ELFN2: variants seen among roughly 807,000 people sequenced by gnomAD.
The protein encoded by ELFN2 is extracellular leucine rich repeat and fibronectin type III domain containing 2.
ELFN2 carries 17 observed loss-of-function variants against 45.5 expected under a neutral mutation model. That is an observed-to-expected ratio of 0.37 (90% CI 0.26 to 0.56). ELFN2 has a LOEUF of 0.56. Among genes scored for constraint, ELFN2 ranks in the 20% least tolerant of loss-of-function variants. The pLI is 0.77. For synonymous variants in ELFN2, 550 were observed against 551.5 expected (o/e 1.00, Z 0.04); for missense variants, 922 against 1,183.2 (o/e 0.78, Z 3.24).
intron 2 of ELFN2, among the ~76,000 whole-genome samples, chr22:37,405,118 G>T (rs184798710): frequency 9.1e-6 from 1 of 109,292 alleles, no homozygotes; most frequent in Non-Finnish European, 2.0e-5. Flanking sequence ...TTTTTGAGAC[G>T]GAGTCTCGCT....
rs931960316 is a variant in ELFN2, at chr22:37,375,160, G to A, written c.375C>T (p.Gly125=). 1.9e-6 allele frequency: 3 copies of A among 1,613,920 alleles called. No individual in the cohort carries two copies. The highest frequency in any genetic ancestry group is 2.7e-5 in the African/African-American group (2 of 74,938). The part of the protein sequence containing the change: ...LSNLTEGMLR[G]MSRLQFLFVQ... The stretch of plus-strand genomic sequence containing the variant: ...CAAAGAGGAACTGCAGGCGGCTCAT[G>A]CCTCGCAGCATGCCCTCCGTCAGGT... The change falls in exon 3 of 3, where the codon GGC becomes GGT. Residue 125 remains glycine, a synonymous_variant. Coordinates refer to ENST00000402918, the MANE Select transcript of ELFN2 (RefSeq NM_052906.5).
chr22:37,426,433 G>T (rs1340525864), intron 1 of ELFN2, among the ~76,000 whole-genome samples: 1 of 151,776 alleles, frequency 6.6e-6, no homozygotes, highest in South Asian at 2.1e-4. Flanking sequence ...GACAGTGTGC[G>T]TGTGTGCGCT....
intron 1 of ELFN2, among the ~76,000 whole-genome samples, chr22:37,348,307 C>A (rs1930742772): frequency 6.6e-6 from 1 of 152,202 alleles, no homozygotes; most frequent in African/African-American, 2.4e-5. Flanking sequence ...GTGCAGAGAG[C>A]AAGAACAGGG....
downstream of ELFN2, among the ~76,000 whole-genome samples, chr22:37,363,541 A>G (rs898012001): frequency 2.0e-5 from 3 of 152,222 alleles, no homozygotes; most frequent in African/African-American, 7.2e-5. Context: ...GAGGAGGCCA[A>G]CAGAGAGAGG....
chr22:37,419,578 C>G lies in ELFN2; in HGVS notation c.-613-1659G>C, dbSNP rs919959842. ...GCGGCCACTGCACAGACGCACAAAC[C>G]AGGGGCACCGTGGACTGCCCCGCCC... is the stretch of plus-strand genomic sequence containing the variant. On this transcript the variant is annotated intron_variant, in intron 1 of 2. Transcript: ENST00000402918. Among the ~76,000 whole-genome samples the G allele has an allele frequency of 3.3e-5, 5 of 152,090 alleles. No homozygotes were observed. In the East Asian group the frequency reaches 9.7e-4, roughly 29 times the overall value.
At chr22:37,413,188 G>A (rs545462731) in intron 2 of ELFN2, among the ~76,000 whole-genome samples, 2 of 152,216 alleles carry the variant, frequency 1.3e-5, no homozygotes, top group Non-Finnish European at 2.9e-5. Context: ...TCTGCCCTAG[G>A]GGGATAAGAG....
At chr22:37,346,882 T>C (rs1232860215) in intron 1 of ELFN2, among the ~76,000 whole-genome samples, 2 of 152,094 alleles carry the variant, frequency 1.3e-5, no homozygotes. Context: ...CCCTCAGCAG[T>C]GCAGAGACAG....
intron 2 of ELFN2, among the ~76,000 whole-genome samples, chr22:37,398,728 T>G (rs1052537860): frequency 4.0e-5 from 6 of 151,838 alleles, no homozygotes; most frequent in African/African-American, 1.5e-4. Flanking sequence ...TGCTCCCCGC[T>G]TCACACACGC....
intron 1 of ELFN2, among the ~76,000 whole-genome samples, chr22:37,359,076 G>C (rs1046198410): frequency 6.6e-6 from 1 of 152,156 alleles, no homozygotes; most frequent in African/African-American, 2.4e-5. Context: ...AGTGCACTAA[G>C]TAGGGAATCA....
intron 2 of ELFN2, among the ~76,000 whole-genome samples, chr22:37,408,122 C>G (rs987444199): frequency 6.6e-6 from 1 of 152,216 alleles, no homozygotes; most frequent in Non-Finnish European, 1.5e-5. Context: ...CTGCATGATC[C>G]CCCCAGGGGC....
At chr22:37,347,809 C>A (rs1930732910) in intron 1 of ELFN2, among the ~76,000 whole-genome samples, 1 of 152,138 alleles carries the variant, frequency 6.6e-6, no homozygotes, top group African/African-American at 2.4e-5. Context: ...CAGGGAACCC[C>A]CAGATTCCTT....
chr22:37,383,751 C>T (rs1931855164), intron 2 of ELFN2, among the ~76,000 whole-genome samples: 1 of 152,244 alleles, frequency 6.6e-6, no homozygotes, highest in South Asian at 2.1e-4. Context: ...CTCCCCTTCA[C>T]TAAGCTGCCT....
In ELFN2 at chr22:37,374,129, C is replaced by G. The variant is rs370109757; in HGVS notation, c.1406G>C (p.Arg469Pro). The G allele has an allele frequency of 1.2e-6, 2 of 1,612,798 alleles. No homozygotes were observed. The highest frequency in any genetic ancestry group is 1.7e-6 in the Non-Finnish European group (2 of 1,180,006). Residue 469 changes from arginine to proline, a missense_variant, in exon 3 of 3, where the codon CGC becomes CCC. Arg to Pro is a moderately radical substitution (Grantham distance 103, BLOSUM62 -2). Around this residue, in one of 2 missense-constraint regions of ELFN2, gnomAD observed 564 missense variants for 642.8 expected, o/e 0.88. Transcript: ENST00000402918. ...LGEPPVLPVSRMASIPSMIGE... is the reference protein window; with the variant it reads ...LGEPPVLPVSPMASIPSMIGE... The stretch of plus-strand genomic sequence containing the variant: ...GATCATGGAGGGGATGGAGGCCATG[C>G]GAGATACGGGCAGCACGGGAGGCTC...
At position 37,370,780 on chromosome 22, in the gene ELFN2, G is replaced by C. The variant is rs1428264689; in HGVS notation, c.*2292C>G. 3 of 152,688 alleles carry C rather than the reference G, an allele frequency of 2.0e-5. No homozygotes were observed. 9.5% of individuals were successfully genotyped at this position (152,688 alleles called of 1,614,324 possible). On this transcript the variant is annotated 3_prime_UTR_variant, in exon 3 of 3. Coordinates refer to ENST00000402918, the MANE Select transcript of ELFN2 (RefSeq NM_052906.5). ...GCTGCTCGTCAGATCACAACAGACA[G>C]AATGTGGGAAAGCAGGGCATCAGAG...
intron 2 of ELFN2, among the ~76,000 whole-genome samples, chr22:37,412,855 G>A (rs145622683): frequency 6.6e-6 from 1 of 152,306 alleles, no homozygotes; most frequent in East Asian, 1.9e-4. Flanking sequence ...ATCCTGGCAG[G>A]GCTGGGACCA....
intron 1 of ELFN2, among the ~76,000 whole-genome samples, chr22:37,343,760 C>T (rs1930621256): frequency 6.6e-6 from 1 of 150,904 alleles, no homozygotes; most frequent in African/African-American, 2.4e-5. Flanking sequence ...GTTCACCCAC[C>T]TCAGTCCCTC....
chr22:37,384,049 A>AC (rs948909293), intron 2 of ELFN2, among the ~76,000 whole-genome samples: 5 of 150,996 alleles, frequency 3.3e-5, no homozygotes, highest in South Asian at 2.1e-4. Flanking sequence ...CCACCGTGTC[A>AC]CCCCCCCATG....
rs1010805234 is a variant in ELFN2, at chr22:37,375,577, G to A, written c.-43C>T. On this transcript the variant is annotated 5_prime_UTR_variant, in exon 3 of 3. Coordinates refer to ENST00000402918, the MANE Select transcript of ELFN2 (RefSeq NM_052906.5). ...GAGGGGCCAGGGCAAGGCAGGGGGT[G>A]CCTAGCGGCCAGAGGCTGGGGCTGG... 2.7e-5 allele frequency: 40 copies of A among 1,491,300 alleles called. No individual in the cohort carries two copies. Among genetic ancestry groups the A allele is most frequent in the Non-Finnish European group, 3.5e-5 (39 of 1,120,538 alleles). 92.4% of individuals were successfully genotyped at this position (1,491,300 alleles called of 1,614,324 possible). A position where few individuals can be genotyped will look rare whatever the true frequency, so the allele number is the denominator to read the frequency against.
intron 2 of ELFN2, among the ~76,000 whole-genome samples, chr22:37,379,934 C>CG (rs112111016): frequency 6.6e-6 from 1 of 152,072 alleles, no homozygotes; most frequent in African/African-American, 2.4e-5. Context: ...CCTGCCCCCC[C>CG]TCGGAGGGCA....
Sources: gnomAD v4.1 joint callset for allele counts (sites outside exome capture counted in the v4.1 genomes callset) on GRCh38, gnomAD v4.1.1 for gene constraint, gnomAD v4.1.1 regional missense constraint, MANE v1.5 for transcripts, NCBI Gene and HGNC (gene_info 2026-07-23, HGNC 2026-07-21) for gene names.